Variants in ANKRA2 observed in about 807,000 individuals in gnomAD.
ANKRA2 encodes the protein ankyrin repeat family A protein 2.
ANKRA2 carries 33 observed loss-of-function variants against 37.8 expected under a neutral mutation model. The ratio of observed to expected loss-of-function variants is 0.87; its 90% CI spans 0.66 to 1.17. The LOEUF is 1.17. Ranked by LOEUF, ANKRA2 falls within the 50% of genes most tolerant of loss-of-function variation. The pLI is 0.00. For synonymous variants in ANKRA2, 126 were observed against 132.3 expected, an observed-to-expected ratio of 0.95 and a Z score of 0.33; for missense variants, 326 against 373.7, an observed-to-expected ratio of 0.87 and a Z score of 1.05.
At chr5:73,554,820 A>C in intron 6 of ANKRA2, 41 bp downstream of exon 6, 2 of 1,590,478 alleles carry the variant, frequency 1.3e-6, no homozygotes, top group Non-Finnish European at 1.7e-6. Flanking sequence ...TAAATTCTAA[A>C]ACTTGCTAGA....
Position 73,553,471 on chromosome 5 carries a change from G to T in ANKRA2, c.821C>A (p.Pro274Gln). The T allele has an allele frequency of 1.6e-5, 26 of 1,613,008 alleles. No homozygotes were observed. The highest frequency in any genetic ancestry group is 2.1e-5 in the Non-Finnish European group (25 of 1,179,326). The change falls in exon 8 of 9, where the codon CCA (proline) becomes CAA (glutamine). Residue 274 changes from proline (P) to glutamine (Q), a missense_variant. Around this residue, in one of 3 missense-constraint regions of ANKRA2, gnomAD observed 228 missense variants for 260.2 expected, o/e 0.88. Coordinates refer to ENST00000296785, the MANE Select transcript of ANKRA2 (RefSeq NM_023039.5). ...ATATCCAGAGTCAGTTTCAATTGTT[G>T]GATCAGCCCCACTTTCTATACCAAA... ...VKMLLESGADPTIETDSGYNS... is the reference protein window; with the variant it reads ...VKMLLESGADQTIETDSGYNS...
rs141371517 is a variant in ANKRA2, at chr5:73,554,884, C to T, written c.715G>A (p.Val239Ile). The change falls in exon 6 of 9, where the codon GTT becomes ATT. Residue 239 changes from valine (V) to isoleucine (I), a missense_variant. This residue lies in a region of ANKRA2 where 228 missense variants were observed against 260.2 expected (regional missense o/e 0.88). Coordinates refer to ENST00000296785, the MANE Select transcript of ANKRA2 (RefSeq NM_023039.5). ...DIVKMLLDCG[V>I]DVNEYDWNGG... ...ACCCAATCATATTCATTTACATCAACTCCACAATCAAGCAGCATTTTGACA... is the reference window on the plus strand; with the variant it reads ...ACCCAATCATATTCATTTACATCAATTCCACAATCAAGCAGCATTTTGACA... 3 of 1,613,872 alleles carry T rather than the reference C, an allele frequency of 1.9e-6. No individual in the cohort carries two copies. Among genetic ancestry groups the T allele is most frequent in the Non-Finnish European group, 2.5e-6 (3 of 1,179,842 alleles).
chr5:73,557,784 C>A, intron 3 of ANKRA2, 144 bp from the exon 4 acceptor site: 1 of 568,210 alleles, frequency 1.8e-6, no homozygotes, highest in East Asian at 3.4e-5. Context: ...TAAAATGTAT[C>A]CTAAAATTAA....
chr5:73,565,537 T>A lies in ANKRA2; in HGVS notation c.-510A>T, dbSNP rs1170980297. On this transcript the variant is annotated 5_prime_UTR_variant, in exon 1 of 9. Coordinates refer to ENST00000296785, the MANE Select transcript of ANKRA2 (RefSeq NM_023039.5). ...GTCCCTCTCTCCTTTTTTTTAATAT[T>A]TTTGTTTTTGCCGCCTTTACGCTCC... is the stretch of plus-strand genomic sequence containing the variant. 7 of 218,132 alleles carry A rather than the reference T, an allele frequency of 3.2e-5. No homozygotes were observed. The highest frequency in any genetic ancestry group is 1.6e-4 in the African/African-American group (7 of 43,310). 13.5% of individuals were successfully genotyped at this position (218,132 alleles called of 1,614,324 possible).
At chr5:73,559,792 T>C (rs1349521688) in intron 3 of ANKRA2, among the ~76,000 whole-genome samples, 1 of 152,214 alleles carries the variant, frequency 6.6e-6, no homozygotes, top group Non-Finnish European at 1.5e-5. Context: ...ATGGTCTCAC[T>C]CTGTTGCTCA....
Position 73,552,760 on chromosome 5 carries a change from A to T in ANKRA2, c.*37T>A, listed in dbSNP as rs367978055. The T allele has an allele frequency of 6.5e-4, 1,014 of 1,551,418 alleles. No homozygotes were observed. Among genetic ancestry groups the T allele is most frequent in the Non-Finnish European group, 8.4e-4 (946 of 1,127,782 alleles). ...AAACTATCATTTATAAGGACCAAGA[A>T]GTAAACAAAAGGGCAGACATTTTCT... On this transcript the variant is annotated 3_prime_UTR_variant, in exon 9 of 9. Coordinates refer to ENST00000296785, the MANE Select transcript of ANKRA2 (RefSeq NM_023039.5).
intron 3 of ANKRA2, among the ~76,000 whole-genome samples, chr5:73,559,559 A>G (rs1747488471): frequency 6.6e-6 from 1 of 152,188 alleles, no homozygotes; most frequent in African/African-American, 2.4e-5. Flanking sequence ...GATCTGGTTT[A>G]TAAGTAAAAT....
intron 6 of ANKRA2, 79 bp downstream of exon 6, chr5:73,554,782 A>C (rs1747353356): frequency 6.7e-7 from 1 of 1,491,174 alleles, no homozygotes; most frequent in African/African-American, 1.4e-5. Flanking sequence ...TTCTTTAATA[A>C]AACTTACTGC....
chr5:73,564,674 C>T (rs1747668332), intron 1 of ANKRA2, among the ~76,000 whole-genome samples: 1 of 152,182 alleles, frequency 6.6e-6, no homozygotes, highest in African/African-American at 2.4e-5. Context: ...ATAGGCCTTT[C>T]TAATATTCTT....
rs1425457357 is a variant in ANKRA2, at chr5:73,557,594, C to G, written c.495G>C (p.Leu165=). 1.2e-6 allele frequency: 2 copies of G among 1,608,582 alleles called. No individual in the cohort carries two copies. The highest frequency in any genetic ancestry group is 1.7e-6 in the Non-Finnish European group (2 of 1,176,144). ...QLAAQGEMLY[L]ATRIEQENVI... ...TATTACCTTGTTCGATACGAGTAGCCAGATAGAGCATCTCTCCCTGAGCAG... is the reference window on the plus strand; with the variant it reads ...TATTACCTTGTTCGATACGAGTAGCGAGATAGAGCATCTCTCCCTGAGCAG... The change falls in exon 4 of 9, where the codon CTG becomes CTC. Residue 165 remains leucine, a synonymous_variant. Coordinates refer to ENST00000296785, the MANE Select transcript of ANKRA2 (RefSeq NM_023039.5).
In ANKRA2 at chr5:73,565,499, TTTTC is replaced by T. The variant is rs1457190819; in HGVS notation, c.-476_-473del. ...CAGCAATGCAGCTGAAACTTTCGGGTTTTCTTTTTTTTGTCCCTCTCTCCTTTTT... is the reference window on the plus strand; with the variant it reads ...CAGCAATGCAGCTGAAACTTTCGGGTTTTTTTTTGTCCCTCTCTCCTTTTT... On this transcript the variant is annotated 5_prime_UTR_variant, in exon 1 of 9. Coordinates refer to ENST00000296785, the MANE Select transcript of ANKRA2 (RefSeq NM_023039.5). 1 of 242,048 alleles carries T rather than the reference TTTTC, an allele frequency of 4.1e-6. No individual in the cohort carries two copies. Among genetic ancestry groups the T allele is most frequent in the Non-Finnish European group, 8.4e-6 (1 of 118,728 alleles). 15.0% of individuals were successfully genotyped at this position (242,048 alleles called of 1,614,324 possible).
intron 4 of ANKRA2, among the ~76,000 whole-genome samples, chr5:73,556,079 C>G (rs1267514479): frequency 6.6e-6 from 1 of 152,226 alleles, no homozygotes; most frequent in Non-Finnish European, 1.5e-5. Flanking sequence ...AAGCTATCTT[C>G]TACTCCATAG....
chr5:73,553,878 G>A (rs553984352), intron 7 of ANKRA2, among the ~76,000 whole-genome samples: 2 of 152,010 alleles, frequency 1.3e-5, no homozygotes, highest in Admixed American at 6.6e-5. Flanking sequence ...GGGTTCAAGC[G>A]ATTCTCCTGC....
chr5:73,552,966 G>T lies in ANKRA2; in HGVS notation c.887-114C>A. 5 of 860,998 alleles carry T rather than the reference G, an allele frequency of 5.8e-6. No individual in the cohort carries two copies. The South Asian group carries it at 8.2e-5, about 14-fold the overall frequency. The allele number at this position is 860,998 out of a possible 1,614,324, so 53.3% of individuals were successfully genotyped here. ...CTAAAATAAAGTTATTTCTAAGCAG[G>T]ATACATACATAGCCTGAGGGCAATA... On this transcript the variant is annotated intron_variant, in intron 8 of 8. Transcript: ENST00000296785.
intron 7 of ANKRA2, 148 bp from the exon 8 acceptor site, chr5:73,553,634 T>C: frequency 1.5e-6 from 1 of 648,044 alleles, no homozygotes. Flanking sequence ...CATGGGGTAC[T>C]TAGAATTTAC....
At chr5:73,557,140 A>C (rs1747418269) in intron 4 of ANKRA2, among the ~76,000 whole-genome samples, 1 of 151,600 alleles carries the variant, frequency 6.6e-6, no homozygotes, top group East Asian at 1.9e-4. Context: ...CATGCAATAC[A>C]ATGCACACTT....
At chr5:73,564,410 T>C (rs577775644) in intron 1 of ANKRA2, among the ~76,000 whole-genome samples, 4 of 152,318 alleles carry the variant, frequency 2.6e-5, no homozygotes, top group African/African-American at 9.6e-5. Context: ...AACAGCTAAA[T>C]TGAAAACTCC....
chr5:73,554,326 G>A lies in ANKRA2; in HGVS notation c.801C>T (p.Leu267=). Residue 267 remains leucine, a synonymous_variant, in exon 7 of 9, where the codon CTC becomes CTT. Coordinates refer to ENST00000296785, the MANE Select transcript of ANKRA2 (RefSeq NM_023039.5). The part of the protein sequence containing the change: ...HGNHVKCVKM[L]LESGADPTIE... ...TCTAAATTTTTATCTGCTTACCTAA[G>A]AGCATCTTTACACATTTCACATGAT... is the stretch of plus-strand genomic sequence containing the variant. The A allele has an allele frequency of 1.2e-6, 2 of 1,613,142 alleles. No individual in the cohort carries two copies. Among genetic ancestry groups the A allele is most frequent in the Non-Finnish European group, 1.7e-6 (2 of 1,179,566 alleles).
chr5:73,564,930 A>C (rs1321155073), intron 1 of ANKRA2, among the ~76,000 whole-genome samples: 2 of 151,658 alleles, frequency 1.3e-5, no homozygotes, highest in Non-Finnish European at 2.9e-5. Context: ...GGTGGTGAGA[A>C]AAAGGGGGTA....
Sources: gnomAD v4.1 joint callset for allele counts (sites outside exome capture counted in the v4.1 genomes callset) on GRCh38, gnomAD v4.1.1 for gene constraint, gnomAD v4.1.1 regional missense constraint, MANE v1.5 for transcripts, NCBI Gene and HGNC (gene_info 2026-07-23, HGNC 2026-07-21) for gene names.